Variants in NOSTRIN observed in about 807,000 individuals in gnomAD.
The protein encoded by NOSTRIN is BM247 homolog.
Under a neutral mutation model 59.0 loss-of-function variants are expected in NOSTRIN, and 63 were observed. The observed-to-expected ratio is 1.07, with a 90% confidence interval of 0.87 to 1.32. The LOEUF (loss-of-function observed/expected upper bound fraction) is 1.32. Ranked by LOEUF, NOSTRIN falls within the 40% of genes most tolerant of loss-of-function variation. NOSTRIN has a pLI of 0.00. For synonymous variants in NOSTRIN, 200 were observed against 165.4 expected, an observed-to-expected ratio of 1.21 and a Z score of -1.61; for missense variants, 512 against 473.1, an observed-to-expected ratio of 1.08 and a Z score of -0.76.
chr2:168,806,591 T>C (rs574285781), intron 1 of NOSTRIN, among the ~76,000 whole-genome samples: 1 of 152,302 alleles, frequency 6.6e-6, no homozygotes, highest in Admixed American at 6.5e-5. Flanking sequence ...ATTATTTTTT[T>C]AGGGGCTCAG....
chr2:168,793,284 T>C (rs1685404467), upstream of NOSTRIN, among the ~76,000 whole-genome samples: 1 of 152,154 alleles, frequency 6.6e-6, no homozygotes. Flanking sequence ...GTTTCTACAC[T>C]ACCATCAGAA....
rs1689771035 is a variant in NOSTRIN, at chr2:168,864,960, C to T, written c.1511C>T (p.Thr504Ile). 1 of 1,614,024 alleles carries T rather than the reference C, an allele frequency of 6.2e-7. No homozygotes were observed. The highest frequency in any genetic ancestry group is 1.1e-5 in the South Asian group (1 of 91,076). ...CCTTCAAATGCTGGCAACACAGCTA[C>T]AAAGGCATAAAACAAGACTCTGAAC... is the stretch of plus-strand genomic sequence containing the variant. ...ELPSNAGNTA[T>I]KA The change falls in exon 16 of 16, where the codon ACA (threonine) becomes ATA (isoleucine). Residue 504 changes from threonine to isoleucine, a missense_variant. By Grantham distance (89) the Thr-to-Ile change is moderately conservative (BLOSUM62 -1). Coordinates refer to ENST00000317647, the MANE Select transcript of NOSTRIN (RefSeq NM_001039724.4).
chr2:168,797,045 A>G (rs544727148), upstream of NOSTRIN, among the ~76,000 whole-genome samples: 48 of 144,700 alleles, frequency 3.3e-4, 1 homozygote, highest in African/African-American at 1.2e-3. Context: ...CATTGAACTC[A>G]TACTTTTCTT....
intron 14 of NOSTRIN, 50 bp downstream of exon 14, chr2:168,860,959 C>G (rs1689408337): frequency 8.7e-7 from 1 of 1,146,460 alleles, no homozygotes. Context: ...TGGCAGGGCA[C>G]ATTGCTACAT....
intron 2 of NOSTRIN, among the ~76,000 whole-genome samples, chr2:168,790,519 G>A (rs964745815): frequency 6.6e-6 from 1 of 152,200 alleles, no homozygotes; most frequent in East Asian, 1.9e-4. Flanking sequence ...TGATTTTCCT[G>A]CCAAAGATAC....
intron 1 of NOSTRIN, among the ~76,000 whole-genome samples, chr2:168,803,971 G>T (rs921723773): frequency 6.6e-6 from 1 of 152,168 alleles, no homozygotes; most frequent in Non-Finnish European, 1.5e-5. Context: ...GCCAGGACAG[G>T]GATGGGGTAA....
chr2:168,857,918 A>T (rs947872912), intron 12 of NOSTRIN, among the ~76,000 whole-genome samples: 4 of 152,208 alleles, frequency 2.6e-5, no homozygotes, highest in Non-Finnish European at 4.4e-5. Flanking sequence ...TTTCTTGAGT[A>T]AGGTGCTGTT....
At chr2:168,864,615 A>ATATC (rs1341925619) in intron 15 of NOSTRIN, among the ~76,000 whole-genome samples, 1 of 152,188 alleles carries the variant, frequency 6.6e-6, no homozygotes, top group African/African-American at 2.4e-5. Flanking sequence ...ATTTTATGAT[A>ATATC]TATCTCAGTT....
At chr2:168,820,647 C>A (rs1360197918) in intron 2 of NOSTRIN, among the ~76,000 whole-genome samples, 1 of 147,174 alleles carries the variant, frequency 6.8e-6, no homozygotes, top group Non-Finnish European at 1.5e-5. Flanking sequence ...AGTTGAACCT[C>A]TTTAGGCTGG....
intron 7 of NOSTRIN, among the ~76,000 whole-genome samples, 172 bp downstream of exon 7, chr2:168,834,497 G>GCACACACACACA (rs1213788595): frequency 2.2e-4 from 4 of 18,306 alleles, no homozygotes; most frequent in Admixed American, 7.7e-4. Context: ...GCGTGCGCGC[G>GCACACACACACA]CGCGCGCGCG....
At chr2:168,858,439 C>CA (rs1689247058) in intron 12 of NOSTRIN, among the ~76,000 whole-genome samples, 1 of 152,196 alleles carries the variant, frequency 6.6e-6, no homozygotes. Context: ...TTCCTTATTT[C>CA]ATTATATCTT....
At chr2:168,861,865 A>T in intron 14 of NOSTRIN, 95 bp from the exon 15 acceptor site, 1 of 1,103,046 alleles carries the variant, frequency 9.1e-7, no homozygotes, top group East Asian at 2.4e-5. Context: ...AATATATTGA[A>T]ACTCTGCATC....
chr2:168,849,365 C>CTT (rs60668601), intron 8 of NOSTRIN, among the ~76,000 whole-genome samples: 1 of 151,534 alleles, frequency 6.6e-6, no homozygotes, highest in African/African-American at 2.4e-5. Flanking sequence ...TTCTTCTTTT[C>CTT]TTTTTTTTGA....
intron 2 of NOSTRIN, among the ~76,000 whole-genome samples, chr2:168,821,566 A>G (rs958934793): frequency 1.3e-5 from 2 of 152,254 alleles, no homozygotes; most frequent in African/African-American, 2.4e-5. Flanking sequence ...AGGGGTGTTC[A>G]CCAGAGTAAA....
intron 8 of NOSTRIN, among the ~76,000 whole-genome samples, chr2:168,849,389 T>G (rs1688613283): frequency 6.6e-6 from 1 of 152,018 alleles, no homozygotes; most frequent in Admixed American, 6.6e-5. Context: ...GGAATCTCAC[T>G]CTTTTGCACA....
upstream of NOSTRIN, among the ~76,000 whole-genome samples, chr2:168,797,135 A>T (rs1685506006): frequency 2.5e-5 from 3 of 118,840 alleles, no homozygotes; most frequent in Admixed American, 3.5e-4. Context: ...CCCAGGCTGG[A>T]TGGAGTGTGG....
chr2:168,807,256 A>T (rs986536197), intron 1 of NOSTRIN, among the ~76,000 whole-genome samples: 8 of 152,062 alleles, frequency 5.3e-5, no homozygotes, highest in African/African-American at 1.9e-4. Flanking sequence ...CTGAACACAC[A>T]CACACACATA....
chr2:168,825,377 A>G (rs554162156), intron 3 of NOSTRIN, among the ~76,000 whole-genome samples: 1 of 152,280 alleles, frequency 6.6e-6, no homozygotes, highest in African/African-American at 2.4e-5. Flanking sequence ...AGGCCTTGGT[A>G]ATGATATTTA....
At position 168,851,254 on chromosome 2, in the gene NOSTRIN, T is replaced by C. The variant is rs575918005; in HGVS notation, c.730-25T>C. 3.7e-6 allele frequency: 6 copies of C among 1,613,984 alleles called. No individual in the cohort carries two copies. In the Admixed American group the frequency reaches 8.3e-5, roughly 22 times the overall value. On this transcript the variant is annotated intron_variant, in intron 9 of 15. Coordinates refer to ENST00000317647, the MANE Select transcript of NOSTRIN (RefSeq NM_001039724.4). ...GGCAGAAACCTTTCTTCGACAACCT[T>C]ATTCTGTTCCCCTTGGCATTGCAGT...
Sources: allele counts gnomAD v4.1 joint callset (sites outside exome capture counted in the v4.1 genomes callset), GRCh38; gene constraint gnomAD v4.1.1; transcripts MANE v1.5; gene names NCBI Gene and HGNC (gene_info 2026-07-23, HGNC 2026-07-21).